The following RGS6 variants were observed in gnomAD, a reference collection of about 807,000 sequenced individuals.
The protein encoded by RGS6 is regulator of G protein signaling 6.
RGS6 carries 30 observed loss-of-function variants against 78.5 expected under a neutral mutation model. That is an observed-to-expected ratio of 0.38 (90% CI 0.29 to 0.52). The LOEUF is 0.52. Ranked by LOEUF, RGS6 falls within the 20% of genes least tolerant of loss-of-function variation. The pLI is 0.85. For synonymous variants in RGS6, 206 were observed against 206.0 expected, an observed-to-expected ratio of 1.00 and a Z score of 0.00; for missense variants, 495 against 609.7, an observed-to-expected ratio of 0.81 and a Z score of 1.98.
chr14:72,627,942 T>C, the RGS6 span, among the ~76,000 whole-genome samples: 6 of 152,148 alleles, frequency 3.9e-5, no homozygotes, highest in Non-Finnish European at 7.4e-5. Flanking sequence ...ATTGTTTGTA[T>C]ATGAGAAGGC....
At chr14:72,534,573 T>C (rs1419387501) in intron 15 of RGS6, among the ~76,000 whole-genome samples, 1 of 152,252 alleles carries the variant, frequency 6.6e-6, no homozygotes, top group African/African-American at 2.4e-5. Context: ...GCCTATATAC[T>C]GCATTTCCTT....
Position 72,430,585 on chromosome 14 carries a change from A to G in RGS6, c.185-23943A>G, listed in dbSNP as rs1287517457. Among the ~76,000 whole-genome samples, 6 of 152,158 alleles carry G rather than the reference A, an allele frequency of 3.9e-5. No individual in the cohort carries two copies. The East Asian group carries it at 1.2e-3, about 29-fold the overall frequency. ...CTCCAGCTGAGATGTCCTCAGTTGT[A>G]CTCAGCAAAATTGCCACCTTTTCTG... On this transcript the variant is annotated intron_variant, in intron 3 of 17. Transcript: ENST00000553525.
At chr14:72,386,666 T>G (rs560054909) in intron 3 of RGS6, among the ~76,000 whole-genome samples, 141 of 152,292 alleles carry the variant, frequency 9.3e-4, no homozygotes, top group African/African-American at 3.2e-3. Context: ...TTGATGGGGC[T>G]CAAATCCAGA....
intron 1 of RGS6, among the ~76,000 whole-genome samples, chr14:71,959,765 G>C (rs937431839): frequency 6.6e-6 from 1 of 152,140 alleles, no homozygotes; most frequent in African/African-American, 2.4e-5. Context: ...GCCAAACCCT[G>C]GCTTAGAACA....
At chr14:72,500,399 T>C (rs960759949) in intron 13 of RGS6, among the ~76,000 whole-genome samples, 1 of 152,188 alleles carries the variant, frequency 6.6e-6, no homozygotes, top group Non-Finnish European at 1.5e-5. Context: ...GTGGAATCAG[T>C]GTCAACATCA....
At chr14:72,128,712 C>T (rs17179706) in intron 2 of RGS6, among the ~76,000 whole-genome samples, 67,498 of 151,922 alleles carry the variant, frequency 0.44, 15,702 homozygotes, top group Admixed American at 0.55. Flanking sequence ...TATTGACGGA[C>T]GGTAGGAAAT....
At chr14:71,958,554 C>T (rs570934357) in intron 1 of RGS6, among the ~76,000 whole-genome samples, 1 of 152,270 alleles carries the variant, frequency 6.6e-6, no homozygotes, top group South Asian at 2.1e-4. Flanking sequence ...GGCCACACAG[C>T]ACTTAAATGA....
chr14:72,415,245 G>C (rs1000110423), intron 3 of RGS6, among the ~76,000 whole-genome samples: 3 of 152,220 alleles, frequency 2.0e-5, no homozygotes, highest in Non-Finnish European at 4.4e-5. Flanking sequence ...AATGGCGGGT[G>C]CCCCTCCTCC....
chr14:72,139,066 A>G (rs2096496135), intron 2 of RGS6, among the ~76,000 whole-genome samples: 1 of 152,210 alleles, frequency 6.6e-6, no homozygotes, highest in African/African-American at 2.4e-5. Flanking sequence ...CCTAGCAGGT[A>G]GAGCAAGGGT....
At chr14:72,449,209 G>A (rs968037562) in intron 3 of RGS6, among the ~76,000 whole-genome samples, 1 of 152,176 alleles carries the variant, frequency 6.6e-6, no homozygotes, top group Non-Finnish European at 1.5e-5. Flanking sequence ...TACGGCTCCA[G>A]AAACATTTTA....
At chr14:71,883,766 G>C in the RGS6 span, among the ~76,000 whole-genome samples, 7 of 152,306 alleles carry the variant, frequency 4.6e-5, no homozygotes, top group South Asian at 1.2e-3. Context: ...TAATTATAAT[G>C]TATTAGCATG....
intron 2 of RGS6, among the ~76,000 whole-genome samples, chr14:72,240,722 A>G (rs904886127): frequency 1.3e-5 from 2 of 152,192 alleles, no homozygotes; most frequent in Non-Finnish European, 2.9e-5. Context: ...TTTGAAAGGT[A>G]TGTGATGGTC....
intron 2 of RGS6, among the ~76,000 whole-genome samples, chr14:72,237,074 A>G (rs945637283): frequency 5.3e-5 from 8 of 152,180 alleles, no homozygotes; most frequent in Non-Finnish European, 7.3e-5. Flanking sequence ...ATCATATAGT[A>G]TGTACTATTT....
In RGS6 at chr14:72,265,485, C is replaced by T. The variant is rs551098487; in HGVS notation, c.85-86610C>T. ...AACCACAGACAGGCTGTAGGGTTGT[C>T]GTGTTTGTCTGTTTTTAAGTGACAG... is the stretch of plus-strand genomic sequence containing the variant. On this transcript the variant is annotated intron_variant, in intron 2 of 17. Transcript: ENST00000553525. Among the ~76,000 whole-genome samples, 5 of 152,212 alleles carry T rather than the reference C, an allele frequency of 3.3e-5. No homozygotes were observed. The East Asian group carries it at 9.7e-4, about 29-fold the overall frequency.
intron 15 of RGS6, among the ~76,000 whole-genome samples, chr14:72,528,861 GGTT>G (rs2097148965): frequency 6.6e-6 from 1 of 152,166 alleles, no homozygotes; most frequent in South Asian, 2.1e-4. Context: ...CCTTAAGACT[GGTT>G]GTCTGCAGAA....
intron 2 of RGS6, among the ~76,000 whole-genome samples, chr14:72,274,283 T>G (rs975382113): frequency 6.6e-6 from 1 of 152,048 alleles, no homozygotes; most frequent in Non-Finnish European, 1.5e-5. Flanking sequence ...TCTGCTAGAG[T>G]CTATTAGGTC....
At chr14:72,269,861 C>T (rs2059667142) in intron 2 of RGS6, among the ~76,000 whole-genome samples, 1 of 152,120 alleles carries the variant, frequency 6.6e-6, no homozygotes, top group Non-Finnish European at 1.5e-5. Context: ...CCACTGCACC[C>T]AGCCTTTGTA....
At chr14:72,527,617 T>C (rs939271683) in intron 15 of RGS6, among the ~76,000 whole-genome samples, 1 of 152,224 alleles carries the variant, frequency 6.6e-6, no homozygotes, top group African/African-American at 2.4e-5. Context: ...AATCATCCCT[T>C]GCAAGGACAG....
chr14:72,225,904 TC>T (rs2048020147), intron 2 of RGS6, among the ~76,000 whole-genome samples: 1 of 152,218 alleles, frequency 6.6e-6, no homozygotes, highest in Non-Finnish European at 1.5e-5. Flanking sequence ...ATGCTTCAGC[TC>T]ATTCCATAAA....
Sources: allele counts gnomAD v4.1 joint callset (sites outside exome capture counted in the v4.1 genomes callset), GRCh38; gene constraint gnomAD v4.1.1; transcripts MANE v1.5; gene names NCBI Gene and HGNC (gene_info 2026-07-23, HGNC 2026-07-21).